The following ZBTB7B variants were observed in gnomAD, a reference collection of about 807,000 sequenced individuals.
ZBTB7B encodes zinc finger and BTB domain containing 7B, also known as zinc finger and BTB domain-containing protein 7B.
Under a neutral mutation model 31.0 loss-of-function variants are expected in ZBTB7B, and 8 were observed. That is an observed-to-expected ratio of 0.26 (90% CI 0.15 to 0.47). The LOEUF is 0.47. Among genes scored for constraint, ZBTB7B ranks in the 20% least tolerant of loss-of-function variants. The pLI is 0.99. For missense variants in ZBTB7B, 494 were observed against 742.4 expected, an observed-to-expected ratio of 0.67 and a Z score of 3.89; for synonymous variants, 261 against 307.3, an observed-to-expected ratio of 0.85 and a Z score of 1.58.
chr1:155,018,373 A>C lies in ZBTB7B; in HGVS notation c.*1688A>C. On this transcript the variant is annotated 3_prime_UTR_variant, in exon 3 of 3. Transcript: ENST00000535420. ...TGGGGCCCAGCCCCAGAAAGTGGGG[A>C]CAATGTGGCCTCCCTTCTCCCTACT... is the stretch of plus-strand genomic sequence containing the variant. 1 of 662,056 alleles carries C rather than the reference A, an allele frequency of 1.5e-6. No individual in the cohort carries two copies. The allele number at this position is 662,056 out of a possible 1,614,324, so 41.0% of individuals were successfully genotyped here. A position where few individuals can be genotyped will look rare whatever the true frequency, so the allele number is the denominator to read the frequency against.
In ZBTB7B at chr1:155,017,518, C is replaced by G. The variant is rs1459753306; in HGVS notation, c.*833C>G. On this transcript the variant is annotated 3_prime_UTR_variant, in exon 3 of 3. Transcript: ENST00000535420. ...GCGTCCTACCCTCTTCTCCTCCTCC[C>G]CATCTCCTCCCCGCCCAGGTGCGAG... 6.5e-6 allele frequency: 1 copy of G among 153,472 alleles called. No individual in the cohort carries two copies. Among genetic ancestry groups the G allele is most frequent in the African/African-American group, 2.4e-5 (1 of 41,478 alleles). 9.5% of individuals were successfully genotyped at this position (153,472 alleles called of 1,614,324 possible).
In ZBTB7B at chr1:155,015,827, G is replaced by T. The variant is rs565939396; in HGVS notation, c.1154+13G>T. The T allele has an allele frequency of 1.9e-5, 30 of 1,604,944 alleles. No individual in the cohort carries two copies. The African/African-American group carries it at 2.5e-4, about 14-fold the overall frequency. ...TTCGATTCACCAGGTGAGCAGCAAG[G>T]GGGGAAGGGCCCGGCAGGGGCCATG... On this transcript the variant is annotated intron_variant, in intron 2 of 2. Coordinates refer to ENST00000535420, the MANE Select transcript of ZBTB7B (RefSeq NM_001256455.2).
chr1:155,013,860 G>C (rs1315975032), intron 1 of ZBTB7B, among the ~76,000 whole-genome samples: 3 of 152,096 alleles, frequency 2.0e-5, no homozygotes, highest in African/African-American at 7.2e-5. Context: ...GGGAGGATGT[G>C]GGGGGAGGGA....
chr1:155,002,799 C>A, upstream of ZBTB7B: 1 of 154,376 alleles, frequency 6.5e-6, no homozygotes, highest in Non-Finnish European at 1.4e-5. Context: ...GGAGGAGCCC[C>A]CCAGCAGCGA....
rs1658449378 is a variant in ZBTB7B, at chr1:155,004,635, G to A, written c.-7+1692G>A. ...GAGGGACATATGTGTGACTATGTCT[G>A]GATGATAGTTAGTGTTCCTCCTTAG... On this transcript the variant is annotated intron_variant, in intron 1 of 2. Coordinates refer to ENST00000535420, the MANE Select transcript of ZBTB7B (RefSeq NM_001256455.2). The surrounding 1 kb of genome is among the most constrained non-coding windows in gnomAD (Gnocchi z 4.0). Among the ~76,000 whole-genome samples, 1 of 152,120 alleles carries A rather than the reference G, an allele frequency of 6.6e-6. No individual in the cohort carries two copies. Among genetic ancestry groups the A allele is most frequent in the South Asian group, 2.1e-4 (1 of 4,832 alleles).
At chr1:155,007,657 C>T (rs770260689) in intron 1 of ZBTB7B, among the ~76,000 whole-genome samples, 1 of 152,150 alleles carries the variant, frequency 6.6e-6, no homozygotes, top group South Asian at 2.1e-4. Context: ...GGCCTGGGCC[C>T]GTCTGGCTGG....
chr1:155,010,816 G>A (rs530537441), intron 1 of ZBTB7B: 49 of 951,570 alleles, frequency 5.1e-5, no homozygotes, highest in African/African-American at 8.1e-5. Context: ...GGGGTGGGGG[G>A]GTGGAGGGAG....
Position 155,016,584 on chromosome 1 carries a change from C to T in ZBTB7B, c.1519C>T (p.Pro507Ser). The T allele has an allele frequency of 1.4e-5, 22 of 1,613,776 alleles. No individual in the cohort carries two copies. The highest frequency in any genetic ancestry group is 1.9e-5 in the Non-Finnish European group (22 of 1,179,790). Residue 507 changes from proline (P) to serine (S), a missense_variant, in exon 3 of 3, where the codon CCC becomes TCC. This residue lies in a region of ZBTB7B where 101 missense variants were observed against 119.5 expected (regional missense o/e 0.85). Transcript: ENST00000535420. The surrounding 1 kb of genome is among the most constrained non-coding windows in gnomAD (Gnocchi z 4.3). The stretch of plus-strand genomic sequence containing the variant: ...AGCTCGATTCTGGGAGCAGTCAGCC[C>T]CCACTGGGCCCCCGGTCTCTACCCC... ...SLARFWEQSA[P>S]TGPPVSTPGP...
chr1:155,015,725 C>T lies in ZBTB7B; in HGVS notation c.1065C>T (p.Ile355=). The stretch of plus-strand genomic sequence containing the variant: ...AGTGCCCTGTCTGCCACAAGATCAT[C>T]CATGGGGCAGGCAAACTGCCTCGCC... ...PQECPVCHKI[I]HGAGKLPRHM... Residue 355 remains isoleucine (I), a synonymous_variant, in exon 2 of 3, where the codon ATC becomes ATT. Coordinates refer to ENST00000535420, the MANE Select transcript of ZBTB7B (RefSeq NM_001256455.2). 1 of 1,612,484 alleles carries T rather than the reference C, an allele frequency of 6.2e-7. No individual in the cohort carries two copies. The highest frequency in any genetic ancestry group is 8.5e-7 in the Non-Finnish European group (1 of 1,180,010).
chr1:155,010,962 G>A, intron 1 of ZBTB7B: 1 of 1,535,830 alleles, frequency 6.5e-7, no homozygotes. Context: ...CCAAGCTGCT[G>A]CTCCTGGAGA....
At chr1:155,012,370 G>A (rs576677465) in intron 1 of ZBTB7B, among the ~76,000 whole-genome samples, 2 of 152,236 alleles carry the variant, frequency 1.3e-5, no homozygotes, top group South Asian at 2.1e-4. Context: ...CCCCTTAGGA[G>A]GGACAGGATC....
chr1:155,011,022 G>A, intron 1 of ZBTB7B: 2 of 1,534,136 alleles, frequency 1.3e-6, no homozygotes, highest in Middle Eastern at 1.9e-4. Context: ...AGAGGTAGGG[G>A]CCTTGGAACC....
intron 1 of ZBTB7B, among the ~76,000 whole-genome samples, chr1:155,009,808 G>A (rs1312760233): frequency 2.0e-5 from 3 of 152,096 alleles, no homozygotes; most frequent in African/African-American, 7.2e-5. Context: ...TCATATGCCT[G>A]GGAAGAAGGG....
chr1:155,016,339 C>T lies in ZBTB7B; in HGVS notation c.1274C>T (p.Thr425Ile). 6.2e-7 allele frequency: 1 copy of T among 1,614,152 alleles called. No individual in the cohort carries two copies. Reference protein sequence around the residue: ...YDLKNHMHLHTGDRPYECHLC... With the variant: ...YDLKNHMHLHIGDRPYECHLC... ...CTCAAGAACCACATGCACCTGCACA[C>T]AGGGGACCGGCCCTATGAGTGCCAC... The change falls in exon 3 of 3, where the codon ACA becomes ATA. Residue 425 changes from threonine to isoleucine, a missense_variant. Physicochemically the swap from Thr to Ile is moderately conservative, Grantham distance 89. Coordinates refer to ENST00000535420, the MANE Select transcript of ZBTB7B (RefSeq NM_001256455.2). This position sits in a 1 kb window ranked among gnomAD's most constrained non-coding sequence, Gnocchi z 4.3.
chr1:155,003,808 G>T lies in ZBTB7B; in HGVS notation c.-7+865G>T, dbSNP rs1052489832. ...AGGCTGCCATTCAAAGGGGTGGGGG[G>T]CGCTGCTTTCAATTTCCAGCTTTCT... On this transcript the variant is annotated intron_variant, in intron 1 of 2. Coordinates refer to ENST00000535420, the MANE Select transcript of ZBTB7B (RefSeq NM_001256455.2). This position sits in a 1 kb window ranked among gnomAD's most constrained non-coding sequence, Gnocchi z 5.8. Among the ~76,000 whole-genome samples, 3 of 152,186 alleles carry T rather than the reference G, an allele frequency of 2.0e-5. No homozygotes were observed. The highest frequency in any genetic ancestry group is 4.4e-5 in the Non-Finnish European group (3 of 68,026).
intron 1 of ZBTB7B, among the ~76,000 whole-genome samples, chr1:155,008,396 G>A (rs998603168): frequency 6.6e-6 from 1 of 152,178 alleles, no homozygotes; most frequent in African/African-American, 2.4e-5. Flanking sequence ...CTCCCAGGGG[G>A]ACTGAGGAGC....
rs2102266684 is a variant in ZBTB7B at position 155,003,520 on chromosome 1, G to A, written c.-7+577G>A. 6.6e-6 allele frequency among the ~76,000 whole-genome samples: 1 copy of A among 152,270 alleles called. No homozygotes were observed. Among genetic ancestry groups the A allele is most frequent in the Non-Finnish European group, 1.5e-5 (1 of 67,994 alleles). On this transcript the variant is annotated intron_variant, in intron 1 of 2. Coordinates refer to ENST00000535420, the MANE Select transcript of ZBTB7B (RefSeq NM_001256455.2). The surrounding 1 kb of genome is among the most constrained non-coding windows in gnomAD (Gnocchi z 5.8). ...CCGCGCTCTCTCCAGCGGTAGTGGG[G>A]CTCAGCAACAACCTCTGAACCGACA...
At chr1:155,005,287 G>A (rs1406999809) in intron 1 of ZBTB7B, among the ~76,000 whole-genome samples, 1 of 152,144 alleles carries the variant, frequency 6.6e-6, no homozygotes. Context: ...CAGGTGGGGA[G>A]GAAAGGGAAG....
At chr1:155,014,507 G>T (rs531430980) in intron 1 of ZBTB7B, 148 bp from the exon 2 acceptor site, 16 of 686,188 alleles carry the variant, frequency 2.3e-5, no homozygotes, top group Non-Finnish European at 3.9e-5. Context: ...TACTTCAGAG[G>T]GTTCTGGAAG....
Sources: allele counts gnomAD v4.1 joint callset (sites outside exome capture counted in the v4.1 genomes callset), GRCh38; gene constraint gnomAD v4.1.1; regional missense constraint gnomAD v4.1.1; non-coding constraint Gnocchi (gnomAD v3.1); transcripts MANE v1.5; gene names NCBI Gene and HGNC (gene_info 2026-07-23, HGNC 2026-07-21).